Variants in MUC6 observed in about 807,000 individuals in gnomAD.
MUC6 encodes mucin-6.
MUC6 carries 188 observed loss-of-function variants against 201.5 expected under a neutral mutation model. The observed-to-expected ratio is 0.93, with a 90% CI of 0.83 to 1.05. The LOEUF (loss-of-function observed/expected upper bound fraction) is 1.05. Among genes scored for constraint, MUC6 ranks in the 50% least tolerant of loss-of-function variants. The probability of loss-of-function intolerance (pLI) is 0.00; values close to 1 mark genes in which losing one functional copy is unlikely to be tolerated. For missense variants in MUC6, 2,706 were observed against 3,256.9 expected (o/e 0.83, Z 4.12); for synonymous variants, 1,228 against 1,389.4 (o/e 0.88, Z 2.58).
In MUC6 at chr11:1,016,089, A is replaced by T; in HGVS notation, c.6712T>A (p.Ser2238Thr). The T allele has an allele frequency of 6.2e-7, 1 of 1,612,616 alleles. No homozygotes were observed. Among genetic ancestry groups the T allele is most frequent in the South Asian group, 1.1e-5 (1 of 91,000 alleles). The change falls in exon 31 of 33, where the codon TCC (serine) becomes ACC (threonine). Residue 2238 changes from serine (S) to threonine (T), a missense_variant. Ser to Thr is a moderately conservative substitution (Grantham distance 58, BLOSUM62 1). Coordinates refer to ENST00000421673, the MANE Select transcript of MUC6 (RefSeq NM_005961.3). ...ISTVTVSPTP[S>T]SHLASSTIAF... ...ATGGTGCTGGAGGCTAGGTGGCTGGATGGGGTGGGAGACACGGTAACAGTG... is the reference window on the plus strand; with the variant it reads ...ATGGTGCTGGAGGCTAGGTGGCTGGTTGGGGTGGGAGACACGGTAACAGTG...
Position 1,036,671 on chromosome 11 carries a change from G to A in MUC6, c.-16C>T. 1 of 1,545,590 alleles carries A rather than the reference G, an allele frequency of 6.5e-7. No homozygotes were observed. Among genetic ancestry groups the A allele is most frequent in the Non-Finnish European group, 8.7e-7 (1 of 1,146,202 alleles). On this transcript the variant is annotated 5_prime_UTR_variant, in exon 1 of 33. Coordinates refer to ENST00000421673, the MANE Select transcript of MUC6 (RefSeq NM_005961.3). Reference sequence around the variant, plus strand: ...GCTGGACCATGGTGCACAGTGGAGAGGAGCTCGCGCTGGGCCCGGCAGGCC... The same window carrying A: ...GCTGGACCATGGTGCACAGTGGAGAAGAGCTCGCGCTGGGCCCGGCAGGCC...
chr11:1,028,594 C>T, intron 13 of MUC6, 52 bp downstream of exon 13: 1 of 1,587,152 alleles, frequency 6.3e-7, no homozygotes, highest in South Asian at 1.1e-5. Flanking sequence ...TGGTCATGGC[C>T]AGACCCTGTA....
intron 30 of MUC6, 68 bp downstream of exon 30, chr11:1,019,207 T>G: frequency 6.6e-7 from 1 of 1,505,562 alleles, no homozygotes; most frequent in Non-Finnish European, 9.2e-7. Context: ...GCTGAATCAC[T>G]GAATGTGAGC....
Position 1,015,775 on chromosome 11 carries a change from C to T in MUC6, c.7026G>A (p.Thr2342=), listed in dbSNP as rs774456599. Residue 2342 remains threonine (T), a synonymous_variant, in exon 31 of 33, where the codon ACG becomes ACA. Transcript: ENST00000421673. ...SAPVSSLGTP[T]PTSPGVCSVR... ...GATGCCACTTACCGGGTGAGGTGGGCGTAGGTGTCCCGAGAGAAGATACCG... is the reference window on the plus strand; with the variant it reads ...GATGCCACTTACCGGGTGAGGTGGGTGTAGGTGTCCCGAGAGAAGATACCG... 7.8e-6 allele frequency: 12 copies of T among 1,540,092 alleles called. No individual in the cohort carries two copies. The highest frequency in any genetic ancestry group is 4.5e-5 in the East Asian group (2 of 44,134).
rs764894523 is a variant in MUC6, at chr11:1,031,271, G to T, written c.484-12C>A. ...CGCTCCACCAGAACCTGCGGGAGAC[G>T]GCTCTGCTGGGGGCCCGGGGGCCAG... On this transcript the variant is annotated splice_polypyrimidine_tract_variant and intron_variant, in intron 4 of 32. Transcript: ENST00000421673. 1.3e-6 allele frequency: 2 copies of T among 1,555,902 alleles called. No homozygotes were observed. Among genetic ancestry groups the T allele is most frequent in the Non-Finnish European group, 1.7e-6 (2 of 1,150,698 alleles).
At chr11:1,035,612 G>A (rs547386084) in intron 1 of MUC6, among the ~76,000 whole-genome samples, 10 of 152,134 alleles carry the variant, frequency 6.6e-5, no homozygotes, top group African/African-American at 2.4e-4. Context: ...GGTGGTGCCC[G>A]GCGTGGTGGG....
rs763007296 is a variant in MUC6, at chr11:1,033,198, A to C, written c.53-123T>G. On this transcript the variant is annotated intron_variant, in intron 1 of 32. Coordinates refer to ENST00000421673, the MANE Select transcript of MUC6 (RefSeq NM_005961.3). The surrounding 1 kb of genome is among the most constrained non-coding windows in gnomAD (Gnocchi z 5.6). Reference sequence around the variant, plus strand: ...CACACTCGGCGTGCGAGAAGTGTCCATGGCCCGTGGGGCTCGAGGCCTCAA... The same window carrying C: ...CACACTCGGCGTGCGAGAAGTGTCCCTGGCCCGTGGGGCTCGAGGCCTCAA... The C allele has an allele frequency of 2.0e-6, 2 of 982,006 alleles. No individual in the cohort carries two copies. Among genetic ancestry groups the C allele is most frequent in the African/African-American group, 3.2e-5 (2 of 62,590 alleles). 60.8% of individuals were successfully genotyped at this position (982,006 alleles called of 1,614,324 possible).
chr11:1,023,848 C>A, intron 25 of MUC6, 99 bp downstream of exon 25: 1 of 1,498,648 alleles, frequency 6.7e-7, no homozygotes. Context: ...GGCGCCTGTC[C>A]AGGGAGAGGG....
Position 1,021,209 on chromosome 11 carries a change from A to C in MUC6, c.3589+6T>G. On this transcript the variant is annotated splice_donor_region_variant and intron_variant, in intron 27 of 32. Coordinates refer to ENST00000421673, the MANE Select transcript of MUC6 (RefSeq NM_005961.3). ...CAGGGTTCTCAGGGCAGCCGACTGG[A>C]CTTACTGCAGGGCACGCACACCCCC... 6.3e-7 allele frequency: 1 copy of C among 1,580,370 alleles called. No individual in the cohort carries two copies. The highest frequency in any genetic ancestry group is 8.6e-7 in the Non-Finnish European group (1 of 1,165,806).
chr11:1,031,762 TC>T (rs1469107638), intron 3 of MUC6, 29 bp from the exon 4 acceptor site: 1 of 1,550,364 alleles, frequency 6.5e-7, no homozygotes, highest in African/African-American at 1.4e-5. Context: ...CGGTGGTCGA[TC>T]CTCAGTCCTC....
Position 1,014,811 on chromosome 11 carries a change from C to G in MUC6, c.7040-810G>C, listed in dbSNP as rs569199359. 3.9e-5 allele frequency among the ~76,000 whole-genome samples: 6 copies of G among 152,262 alleles called. No individual in the cohort carries two copies. The South Asian group carries it at 1.2e-3, about 32-fold the overall frequency. On this transcript the variant is annotated intron_variant, in intron 31 of 32. Coordinates refer to ENST00000421673, the MANE Select transcript of MUC6 (RefSeq NM_005961.3). The stretch of plus-strand genomic sequence containing the variant: ...GGCTTTCTCCGGGAGGGTCAGGACT[C>G]TGGGTGCTTCCATAGGCCCTGCCGT...
chr11:1,013,989 A>G lies in MUC6; in HGVS notation c.7052T>C (p.Val2351Ala). The G allele has an allele frequency of 6.2e-7, 1 of 1,607,874 alleles. No individual in the cohort carries two copies. The highest frequency in any genetic ancestry group is 8.5e-7 in the Non-Finnish European group (1 of 1,177,826). The change falls in exon 32 of 33, where the codon GTG becomes GCG. Residue 2351 changes from valine (V) to alanine (A), a missense_variant. Around this residue, in one of 10 missense-constraint regions of MUC6, gnomAD observed 586 missense variants for 488.0 expected, o/e 1.20. Coordinates refer to ENST00000421673, the MANE Select transcript of MUC6 (RefSeq NM_005961.3). Reference sequence around the variant, plus strand: ...CGTGATCTCCTCCTGCTGCTCCCGCACACTGCAGACCCCTGGTAGCCGAGT... The same window carrying G: ...CGTGATCTCCTCCTGCTGCTCCCGCGCACTGCAGACCCCTGGTAGCCGAGT... The part of the protein sequence containing the change: ...PTPTSPGVCS[V>A]REQQEEITFK...
At position 1,027,785 on chromosome 11, in the gene MUC6, C is replaced by G. The variant is rs771995268; in HGVS notation, c.1881G>C (p.Glu627Asp). The change falls in exon 16 of 33, where the codon GAG becomes GAC. Residue 627 changes from glutamate (E) to aspartate (D), a missense_variant. Physicochemically the swap from Glu to Asp is conservative, Grantham distance 45 (BLOSUM62 2). Transcript: ENST00000421673. Reference protein sequence around the residue: ...RCVYQACNYEETFPHICAALG... With the variant: ...RCVYQACNYEDTFPHICAALG... Reference sequence around the variant, plus strand: ...GGGCGGCACAGATGTGGGGAAAGGTCTCCTCGTAGTTGCAGGCCTGGTACA... The same window carrying G: ...GGGCGGCACAGATGTGGGGAAAGGTGTCCTCGTAGTTGCAGGCCTGGTACA... 2.5e-6 allele frequency: 4 copies of G among 1,611,004 alleles called. No individual in the cohort carries two copies. In the East Asian group the frequency reaches 8.9e-5, roughly 36 times the overall value.
In MUC6 at chr11:1,018,676, TG is replaced by T. The variant is rs1233688726; in HGVS notation, c.4124del (p.Pro1375HisfsTer81). 1.2e-6 allele frequency: 2 copies of T among 1,612,788 alleles called. No homozygotes were observed. On this transcript the variant is annotated frameshift_variant, in exon 31 of 33. Coordinates refer to ENST00000421673, the MANE Select transcript of MUC6 (RefSeq NM_005961.3). LOFTEE classifies it high-confidence loss of function. ...TPASTTGPTT[P>X]QPGQPTRPTA... ...TGGGCCTCGTGGGTTGTCCTGGCTGTGGGGTGGTTGGGCCTGTGGTGCTTGC... is the reference window on the plus strand; with the variant it reads ...TGGGCCTCGTGGGTTGTCCTGGCTGTGGGTGGTTGGGCCTGTGGTGCTTGC...
Position 1,017,242 on chromosome 11 carries a change from G to C in MUC6, c.5559C>G (p.His1853Gln). Residue 1853 changes from histidine (H) to glutamine (Q), a missense_variant, in exon 31 of 33, where the codon CAC (histidine) becomes CAG (glutamine). Around this residue, in one of 10 missense-constraint regions of MUC6, gnomAD observed 20 missense variants for 35.8 expected, o/e 0.56. Transcript: ENST00000421673. Reference sequence around the variant, plus strand: ...GTGTGTGGGTAGGGATGATGACCGTGTGAGTACTTGGAGTCACCAAGGAGG... The same window carrying C: ...GTGTGTGGGTAGGGATGATGACCGTCTGAGTACTTGGAGTCACCAAGGAGG... ...FSTSLVTPST[H>Q]TVIIPTHTQM... is the part of the protein sequence containing the mutation. 1 of 1,614,060 alleles carries C rather than the reference G, an allele frequency of 6.2e-7. No homozygotes were observed. Among genetic ancestry groups the C allele is most frequent in the Non-Finnish European group, 8.5e-7 (1 of 1,179,854 alleles).
Position 1,025,919 on chromosome 11 carries a change from C to T in MUC6, c.2689-4G>A, listed in dbSNP as rs753291487. On this transcript the variant is annotated splice_region_variant and splice_polypyrimidine_tract_variant and intron_variant, in intron 21 of 32. Transcript: ENST00000421673. ...AGTCGTTGACACCACAGACGTCCTG[C>T]AGGGAGAGGGCGCTGAGGAGGAGCC... 6.2e-7 allele frequency: 1 copy of T among 1,607,878 alleles called. No homozygotes were observed. The highest frequency in any genetic ancestry group is 8.5e-7 in the Non-Finnish European group (1 of 1,177,620).
Position 1,033,174 on chromosome 11 carries a change from A to G in MUC6, c.53-99T>C, listed in dbSNP as rs1857149798. On this transcript the variant is annotated intron_variant, in intron 1 of 32. Transcript: ENST00000421673. This position sits in a 1 kb window ranked among gnomAD's most constrained non-coding sequence, Gnocchi z 5.6. The stretch of plus-strand genomic sequence containing the variant: ...GGCTGCTCCGCCCGTTTCCCTGCAC[A>G]CACTCGGCGTGCGAGAAGTGTCCAT... 1 of 1,219,624 alleles carries G rather than the reference A, an allele frequency of 8.2e-7. No homozygotes were observed. The highest frequency in any genetic ancestry group is 1.2e-6 in the Non-Finnish European group (1 of 829,644). 75.6% of individuals were successfully genotyped at this position (1,219,624 alleles called of 1,614,324 possible).
In MUC6 at chr11:1,027,020, G is replaced by A; in HGVS notation, c.2315C>T (p.Ser772Phe). The change falls in exon 19 of 33, where the codon TCC becomes TTC. Residue 772 changes from serine (S) to phenylalanine (F), a missense_variant. Physicochemically the swap from Ser to Phe is radical, Grantham distance 155 (BLOSUM62 -2). Coordinates refer to ENST00000421673, the MANE Select transcript of MUC6 (RefSeq NM_005961.3). ...CTTGTTCTCGGAGGACTGGCTGCAG[G>A]ACTTGAAGGTCTTAGGGGCCTGGCA... ...ASCQAPKTFK[S>F]CSQSSENKFG... is the part of the protein sequence containing the mutation. 6.2e-7 allele frequency: 1 copy of A among 1,602,964 alleles called. No individual in the cohort carries two copies. Among genetic ancestry groups the A allele is most frequent in the Non-Finnish European group, 8.5e-7 (1 of 1,175,594 alleles).
At chr11:1,026,619 G>T in intron 19 of MUC6, 141 bp from the exon 20 acceptor site, 1 of 1,137,010 alleles carries the variant, frequency 8.8e-7, no homozygotes, top group Non-Finnish European at 1.2e-6. Context: ...TTTGTGGGCA[G>T]CTGGGCTTAC....
Sources: gnomAD v4.1 joint callset for allele counts (sites outside exome capture counted in the v4.1 genomes callset) on GRCh38, gnomAD v4.1.1 for gene constraint, gnomAD v4.1.1 regional missense constraint, Gnocchi (gnomAD v3.1) non-coding constraint, MANE v1.5 for transcripts, NCBI Gene and HGNC (gene_info 2026-07-23, HGNC 2026-07-21) for gene names.